Variants in MTHFD1L observed in about 807,000 individuals in gnomAD.
MTHFD1L encodes methylenetetrahydrofolate dehydrogenase (NADP+ dependent) 1 like.
MTHFD1L carries 81 observed loss-of-function variants against 119.5 expected under a neutral mutation model. That is an observed-to-expected ratio of 0.68 (90% confidence interval 0.57 to 0.82). MTHFD1L has a LOEUF of 0.82. Ranked by LOEUF, MTHFD1L falls within the 40% of genes least tolerant of loss-of-function variation. MTHFD1L has a pLI of 0.00. For synonymous variants in MTHFD1L, 430 were observed against 475.2 expected (o/e 0.90, Z 1.24); for missense variants, 1,125 against 1,253.4 (o/e 0.90, Z 1.55).
chr6:150,939,955 G>A (rs1263561787), intron 13 of MTHFD1L, among the ~76,000 whole-genome samples: 1 of 152,008 alleles, frequency 6.6e-6, no homozygotes, highest in Non-Finnish European at 1.5e-5. Context: ...AAAGTGTTAG[G>A]ATTACAGGCG....
At position 151,079,510 on chromosome 6, in the gene MTHFD1L, T is replaced by G. The variant is rs967936278; in HGVS notation, c.2848-12957T>G. ...TTCACTCTTGTTGCCCAGGCTGGAG[T>G]GCGATGGCATGATCTCGGCTCACAG... On this transcript the variant is annotated intron_variant, in intron 26 of 27. Transcript: ENST00000367321. Among the ~76,000 whole-genome samples, 2 of 151,892 alleles carry G rather than the reference T, an allele frequency of 1.3e-5. 1 individual carries two copies. The highest frequency in any genetic ancestry group is 1.3e-4 in the Admixed American group (2 of 15,252).
intron 20 of MTHFD1L, among the ~76,000 whole-genome samples, chr6:151,008,960 T>TAA (rs568212264): frequency 8.9e-6 from 1 of 112,946 alleles, no homozygotes; most frequent in Admixed American, 7.8e-5. Flanking sequence ...CTACTAACAA[T>TAA]AAAAAAAAAA....
intron 20 of MTHFD1L, among the ~76,000 whole-genome samples, chr6:150,990,052 G>T (rs112138401): frequency 0.013 from 2,015 of 152,276 alleles, 41 homozygotes; most frequent in African/African-American, 0.047. Context: ...GCCAAGGTGG[G>T]CAGATCACTT....
intron 12 of MTHFD1L, among the ~76,000 whole-genome samples, chr6:150,938,022 T>G (rs564631001): frequency 6.6e-6 from 1 of 152,224 alleles, no homozygotes; most frequent in East Asian, 1.9e-4. Context: ...TGTTTTTGTT[T>G]TTGTTTTTGT....
intron 20 of MTHFD1L, among the ~76,000 whole-genome samples, chr6:150,988,667 T>C (rs803512): frequency 0.53 from 80,707 of 151,560 alleles, 22,702 homozygotes; most frequent in African/African-American, 0.7. Context: ...AGTGCAATGA[T>C]GTAATCTCGG....
chr6:150,882,991 G>C, intron 5 of MTHFD1L, 105 bp downstream of exon 5: 1 of 1,098,260 alleles, frequency 9.1e-7, no homozygotes, highest in South Asian at 1.7e-5. Context: ...AACTGTGTCA[G>C]TAATTGGATA....
intron 20 of MTHFD1L, among the ~76,000 whole-genome samples, chr6:150,986,523 G>A (rs73616906): frequency 0.012 from 1,763 of 152,234 alleles, 31 homozygotes; most frequent in African/African-American, 0.04. Context: ...ATCATAAGGC[G>A]TGGGTCCTAG....
intron 11 of MTHFD1L, 65 bp from the exon 12 acceptor site, chr6:150,936,739 T>C: frequency 6.4e-7 from 1 of 1,560,808 alleles, no homozygotes; most frequent in South Asian, 1.1e-5. Context: ...TCTGGTGTCT[T>C]CGGCTGGTTT....
chr6:151,072,932 T>C lies in MTHFD1L; in HGVS notation c.2848-19535T>C, dbSNP rs1792093784. ...ACTTTACCCTCCCACTTGAAACAAG[T>C]AAAAAACTGGACAAAGTATATGAAA... On this transcript the variant is annotated intron_variant, in intron 26 of 27. Coordinates refer to ENST00000367321, the MANE Select transcript of MTHFD1L (RefSeq NM_015440.5). 2.6e-5 allele frequency among the ~76,000 whole-genome samples: 4 copies of C among 152,168 alleles called. No individual in the cohort carries two copies. The South Asian group carries it at 8.3e-4, about 32-fold the overall frequency.
intron 11 of MTHFD1L, among the ~76,000 whole-genome samples, chr6:150,932,281 A>G (rs1055209216): frequency 1.3e-5 from 2 of 152,018 alleles, no homozygotes; most frequent in Non-Finnish European, 2.9e-5. Flanking sequence ...CTTTACCTCA[A>G]CAAGTGTGTG....
chr6:150,950,740 G>A (rs1583749078), intron 16 of MTHFD1L, among the ~76,000 whole-genome samples: 2 of 152,132 alleles, frequency 1.3e-5, no homozygotes, highest in African/African-American at 2.4e-5. Flanking sequence ...TGCGATCTAG[G>A]CTCACTGCAA....
At chr6:150,886,500 A>C (rs947284247) in intron 6 of MTHFD1L, among the ~76,000 whole-genome samples, 1 of 150,736 alleles carries the variant, frequency 6.6e-6, no homozygotes, top group Non-Finnish European at 1.5e-5. Flanking sequence ...AGGGCACAGG[A>C]GCCTAGGTTG....
chr6:150,949,213 T>C (rs2128970638), intron 16 of MTHFD1L, 80 bp downstream of exon 16: 1 of 1,138,660 alleles, frequency 8.8e-7, no homozygotes, highest in Non-Finnish European at 1.3e-6. Context: ...ATTCAGAAAC[T>C]TACAGTTTGA....
chr6:151,009,971 A>G lies in MTHFD1L; in HGVS notation c.2265+13A>G, dbSNP rs538597985. On this transcript the variant is annotated intron_variant, in intron 21 of 27. Transcript: ENST00000367321. ...AGGCGGGCCAAGTGTAAGTGCCCACACCGCCTTCCTAATACCAAAGAAATT... is the reference window on the plus strand; with the variant it reads ...AGGCGGGCCAAGTGTAAGTGCCCACGCCGCCTTCCTAATACCAAAGAAATT... The G allele has an allele frequency of 5.1e-5, 81 of 1,584,974 alleles. No individual in the cohort carries two copies. Among genetic ancestry groups the G allele is most frequent in the Middle Eastern group, 1.8e-4 (1 of 5,700 alleles).
intron 22 of MTHFD1L, 29 bp from the exon 23 acceptor site, chr6:151,014,851 T>A: frequency 6.3e-7 from 1 of 1,587,510 alleles, no homozygotes; most frequent in Non-Finnish European, 8.6e-7. Context: ...TACACAGGGG[T>A]CTGGGTTTTG....
At position 151,052,013 on chromosome 6, in the gene MTHFD1L, G is replaced by A. The variant is rs572722933; in HGVS notation, c.2847+14896G>A. ...AAGTGGAGAGGATGGCATGTGTGCC[G>A]GGAGACGCAGTGGAGTGGAAGTCGC... On this transcript the variant is annotated intron_variant, in intron 26 of 27. Coordinates refer to ENST00000367321, the MANE Select transcript of MTHFD1L (RefSeq NM_015440.5). Among the ~76,000 whole-genome samples, 13 of 152,340 alleles carry A rather than the reference G, an allele frequency of 8.5e-5. No individual in the cohort carries two copies. In the East Asian group the frequency reaches 1.9e-3, roughly 23 times the overall value.
At position 151,045,010 on chromosome 6, in the gene MTHFD1L, T is replaced by C. The variant is rs527326879; in HGVS notation, c.2847+7893T>C. On this transcript the variant is annotated intron_variant, in intron 26 of 27. Transcript: ENST00000367321. Reference sequence around the variant, plus strand: ...ACTGTAAAAGTATGTACTCAGTGTTTCGTTTCCTGCTGGATCTGATTCAGG... The same window carrying C: ...ACTGTAAAAGTATGTACTCAGTGTTCCGTTTCCTGCTGGATCTGATTCAGG... Among the ~76,000 whole-genome samples, 4 of 152,310 alleles carry C rather than the reference T, an allele frequency of 2.6e-5. No homozygotes were observed. The South Asian group carries it at 8.3e-4, about 32-fold the overall frequency.
chr6:151,053,084 T>C (rs1789319512), intron 26 of MTHFD1L, among the ~76,000 whole-genome samples: 2 of 152,234 alleles, frequency 1.3e-5, no homozygotes, highest in South Asian at 4.1e-4. Context: ...ATAAATAGAA[T>C]TGTCCTGCAA....
chr6:150,964,453 G>A (rs556993391), intron 18 of MTHFD1L, among the ~76,000 whole-genome samples: 47 of 152,320 alleles, frequency 3.1e-4, no homozygotes, highest in Non-Finnish European at 4.7e-4. Flanking sequence ...GCTTTTAAAC[G>A]TGGTAGTTTG....
Sources: gnomAD v4.1 joint callset for allele counts (sites outside exome capture counted in the v4.1 genomes callset) on GRCh38, gnomAD v4.1.1 for gene constraint, MANE v1.5 for transcripts, NCBI Gene and HGNC (gene_info 2026-07-23, HGNC 2026-07-21) for gene names.